ABHD17B: variants seen among roughly 807,000 people sequenced by gnomAD.
ABHD17B encodes the protein abhydrolase domain containing 17B, depalmitoylase, also known as alpha/beta hydrolase domain-containing protein 17B.
Under a neutral mutation model 26.2 loss-of-function variants are expected in ABHD17B, and 9 were observed. The ratio of observed to expected loss-of-function variants is 0.34; its 90% confidence interval spans 0.21 to 0.60. The LOEUF (loss-of-function observed/expected upper bound fraction) is 0.60, where lower values mean the gene tolerates loss of function less well. Among genes scored for constraint, ABHD17B ranks in the 20% least tolerant of loss-of-function variants. The pLI is 0.80. For missense variants in ABHD17B, 224 were observed against 352.1 expected, an observed-to-expected ratio of 0.64 and a Z score of 2.91; for synonymous variants, 127 against 122.3, an observed-to-expected ratio of 1.04 and a Z score of -0.25.
intron 1 of ABHD17B, among the ~76,000 whole-genome samples, chr9:71,876,782 T>G (rs2132144296): frequency 6.6e-6 from 1 of 152,172 alleles, no homozygotes; most frequent in East Asian, 1.9e-4. Context: ...AGTATAAATG[T>G]GTTTATAAGA....
At chr9:71,889,655 C>A (rs1055946150) in intron 1 of ABHD17B, among the ~76,000 whole-genome samples, 2 of 151,960 alleles carry the variant, frequency 1.3e-5, no homozygotes, top group African/African-American at 2.4e-5. Context: ...TGTTATCTAG[C>A]GACATGGAAG....
intron 1 of ABHD17B, among the ~76,000 whole-genome samples, chr9:71,900,802 T>C (rs1405502791): frequency 6.6e-6 from 1 of 152,058 alleles, no homozygotes; most frequent in Non-Finnish European, 1.5e-5. Flanking sequence ...CATCTTTCAG[T>C]ATCTTGAAAG....
Position 71,865,900 on chromosome 9 carries a change from T to G in ABHD17B, c.*887A>C. ...ATAGCCAAAGTGAAAAGGGATCTGA[T>G]AGCCAGTCTGTTAGTGGTCTTTAAG... On this transcript the variant is annotated 3_prime_UTR_variant, in exon 4 of 4. Transcript: ENST00000333421. 3 of 985,376 alleles carry G rather than the reference T, an allele frequency of 3.0e-6. No homozygotes were observed. The highest frequency in any genetic ancestry group is 3.6e-6 in the Non-Finnish European group (3 of 829,902). 61.0% of individuals were successfully genotyped at this position (985,376 alleles called of 1,614,324 possible). A position where few individuals can be genotyped will look rare whatever the true frequency, so the allele number is the denominator to read the frequency against.
At chr9:71,907,353 C>CTA (rs574605644) in intron 1 of ABHD17B, among the ~76,000 whole-genome samples, 10 of 151,586 alleles carry the variant, frequency 6.6e-5, no homozygotes, top group African/African-American at 2.4e-4. Context: ...CAAAATAAAA[C>CTA]TATATATATA....
chr9:71,887,929 C>A (rs1008875098), intron 1 of ABHD17B, among the ~76,000 whole-genome samples: 12 of 152,314 alleles, frequency 7.9e-5, no homozygotes, highest in African/African-American at 2.9e-4. Context: ...AGCAGTGCAA[C>A]TCAATTAGGC....
chr9:71,868,568 A>G (rs1826023441), intron 3 of ABHD17B, among the ~76,000 whole-genome samples: 1 of 152,254 alleles, frequency 6.6e-6, no homozygotes, highest in South Asian at 2.1e-4. Flanking sequence ...GAAATAATCT[A>G]AGGCTGCATT....
chr9:71,873,812 C>T (rs1264842487), intron 2 of ABHD17B, among the ~76,000 whole-genome samples: 2 of 152,126 alleles, frequency 1.3e-5, no homozygotes, highest in African/African-American at 2.4e-5. Flanking sequence ...GGACTACAGG[C>T]GTGAGCCACC....
chr9:71,877,679 A>G (rs1332038879), intron 1 of ABHD17B, among the ~76,000 whole-genome samples: 2 of 152,340 alleles, frequency 1.3e-5, no homozygotes, highest in East Asian at 3.9e-4. Context: ...TGGCCTCCCA[A>G]ACTGCTGGGA....
At chr9:71,871,334 T>C (rs1213394647) in intron 2 of ABHD17B, among the ~76,000 whole-genome samples, 3 of 152,326 alleles carry the variant, frequency 2.0e-5, no homozygotes, top group Middle Eastern at 3.4e-3. Context: ...TCTCCCCATA[T>C]AGTTTCTTCA....
intron 1 of ABHD17B, among the ~76,000 whole-genome samples, chr9:71,881,898 CA>C (rs974132843): frequency 1.6e-4 from 19 of 119,998 alleles, no homozygotes; most frequent in South Asian, 2.6e-4. Flanking sequence ...AAAAACAAAC[CA>C]AAAAAAAAAG....
At chr9:71,863,324 G>T (rs149051427), downstream of ABHD17B, among the ~76,000 whole-genome samples, 570 of 152,250 alleles carry the variant, frequency 3.7e-3, 3 homozygotes, top group Middle Eastern at 0.014. Context: ...GAAATGTAAG[G>T]GATATTATTA....
downstream of ABHD17B, among the ~76,000 whole-genome samples, chr9:71,864,213 CTTTTTTTTTT>C (rs762446648): frequency 1.1e-4 from 9 of 80,398 alleles, no homozygotes; most frequent in East Asian, 8.6e-4. Flanking sequence ...GCCAAACTTT[CTTTTTTTTTT>C]TTTTTTTTTT....
intron 1 of ABHD17B, among the ~76,000 whole-genome samples, chr9:71,905,468 A>G (rs7870103): frequency 0.94 from 143,550 of 152,256 alleles, 68,181 homozygotes; most frequent in East Asian, 1. Context: ...ATTACTACTA[A>G]TATTTTTCTA....
chr9:71,869,621 T>C (rs974497316), intron 3 of ABHD17B, among the ~76,000 whole-genome samples: 1 of 152,186 alleles, frequency 6.6e-6, no homozygotes, highest in African/African-American at 2.4e-5. Context: ...TCACTTCTTT[T>C]GTAAGTTAGG....
chr9:71,867,023 AG>A lies in ABHD17B; in HGVS notation c.648-18del. On this transcript the variant is annotated intron_variant, in intron 3 of 3. Coordinates refer to ENST00000333421, the MANE Select transcript of ABHD17B (RefSeq NM_001025780.3). The stretch of plus-strand genomic sequence containing the variant: ...TTGTCAATGCTGCAGGGAAAAAGGA[AG>A]GGGGAAAAATGCAATAAATTAACTA... 1 of 1,612,262 alleles carries A rather than the reference AG, an allele frequency of 6.2e-7. No homozygotes were observed. The highest frequency in any genetic ancestry group is 2.2e-5 in the East Asian group (1 of 44,868).
intron 1 of ABHD17B, among the ~76,000 whole-genome samples, chr9:71,896,703 CAT>C (rs752620466): frequency 6.6e-6 from 1 of 150,630 alleles, no homozygotes; most frequent in African/African-American, 2.5e-5. Context: ...CACACACACA[CAT>C]ATATATATAT....
Position 71,866,770 on chromosome 9 carries a change from C to T in ABHD17B, c.*17G>A. 5 of 1,613,210 alleles carry T rather than the reference C, an allele frequency of 3.1e-6. No homozygotes were observed. The highest frequency in any genetic ancestry group is 4.2e-6 in the Non-Finnish European group (5 of 1,179,530). On this transcript the variant is annotated 3_prime_UTR_variant, in exon 4 of 4. Transcript: ENST00000333421. Reference sequence around the variant, plus strand: ...TCAGCAAGAAAGGAAAACCCAGTAGCAAATTTACAGAATATTTTACAAATT... The same window carrying T: ...TCAGCAAGAAAGGAAAACCCAGTAGTAAATTTACAGAATATTTTACAAATT...
chr9:71,886,418 T>C (rs1252060646), intron 1 of ABHD17B, among the ~76,000 whole-genome samples: 2 of 48,560 alleles, frequency 4.1e-5, no homozygotes, highest in Admixed American at 5.8e-4. Flanking sequence ...GGAGACCCTG[T>C]CTCAAAAAAA....
At chr9:71,905,672 G>A (rs1827260458) in intron 1 of ABHD17B, among the ~76,000 whole-genome samples, 1 of 152,122 alleles carries the variant, frequency 6.6e-6, no homozygotes, top group South Asian at 2.1e-4. Flanking sequence ...CTACTATAAT[G>A]AATGAGGGGC....
Sources: gnomAD v4.1 joint callset for allele counts (sites outside exome capture counted in the v4.1 genomes callset) on GRCh38, gnomAD v4.1.1 for gene constraint, MANE v1.5 for transcripts, NCBI Gene and HGNC (gene_info 2026-07-23, HGNC 2026-07-21) for gene names.